ACTG2: variants seen among roughly 807,000 people sequenced by gnomAD.
The protein encoded by ACTG2 is actin gamma 2, smooth muscle, also known as actin, gamma-enteric smooth muscle.
ACTG2 carries 16 observed loss-of-function variants against 37.6 expected under a neutral mutation model. The ratio of observed to expected loss-of-function variants is 0.43; its 90% CI spans 0.29 to 0.65. The LOEUF (loss-of-function observed/expected upper bound fraction) is 0.65, where lower values mean the gene tolerates loss of function less well. ACTG2 is among the 30% of genes least tolerant of loss of function. ACTG2 has a pLI of 0.18. For synonymous variants in ACTG2, 181 were observed against 179.9 expected, an observed-to-expected ratio of 1.01 and a Z score of -0.05; for missense variants, 238 against 490.9, an observed-to-expected ratio of 0.48 and a Z score of 4.87.
chr2:73,897,261 G>A (rs1266899702), intron 1 of ACTG2: 1 of 152,320 alleles, frequency 6.6e-6, no homozygotes, highest in Admixed American at 6.5e-5. Flanking sequence ...ACACCGGAGA[G>A]AGTTTGGGGA....
At chr2:73,909,031 T>C in intron 4 of ACTG2, 24 bp from the exon 5 acceptor site, 1 of 1,610,428 alleles carries the variant, frequency 6.2e-7, no homozygotes, top group South Asian at 1.1e-5. Context: ...CCAAATAATC[T>C]TTTATTCTTC....
At chr2:73,902,749 C>G (rs1393775258) in intron 3 of ACTG2, 1 of 1,550,764 alleles carries the variant, frequency 6.4e-7, no homozygotes, top group Non-Finnish European at 8.7e-7. Flanking sequence ...TGCTGCAAAA[C>G]TGATCTTTCT....
At chr2:73,915,000 T>C in intron 7 of ACTG2, 129 bp downstream of exon 7, 1 of 743,328 alleles carries the variant, frequency 1.3e-6, no homozygotes, top group Non-Finnish European at 1.9e-6. Flanking sequence ...CACATTTTCC[T>C]AGGAAGGGCC....
At chr2:73,905,842 T>C (rs1015401300) in intron 3 of ACTG2, among the ~76,000 whole-genome samples, 5 of 152,102 alleles carry the variant, frequency 3.3e-5, no homozygotes, top group African/African-American at 1.2e-4. Context: ...CATAGGATTA[T>C]TTATAACCAA....
chr2:73,902,348 T>A lies in ACTG2; in HGVS notation c.127-12T>A. ...AGCCATTCATTTCTCTTTTCTTCTTTTTGCATTGCAGGGTGTGATGGTGGG... is the reference window on the plus strand; with the variant it reads ...AGCCATTCATTTCTCTTTTCTTCTTATTGCATTGCAGGGTGTGATGGTGGG... On this transcript the variant is annotated splice_polypyrimidine_tract_variant and intron_variant, in intron 2 of 8. Transcript: ENST00000345517. 1 of 1,613,414 alleles carries A rather than the reference T, an allele frequency of 6.2e-7. No individual in the cohort carries two copies. Among genetic ancestry groups the A allele is most frequent in the Non-Finnish European group, 8.5e-7 (1 of 1,179,734 alleles).
intron 3 of ACTG2, among the ~76,000 whole-genome samples, chr2:73,904,242 A>G (rs1282232988): frequency 1.3e-5 from 1 of 76,126 alleles, no homozygotes; most frequent in South Asian, 5.7e-4. Context: ...GAGTGAGACC[A>G]TGTCTCAAAA....
intron 1 of ACTG2, among the ~76,000 whole-genome samples, chr2:73,898,802 C>CTTTTT (rs1165118275): frequency 2.6e-4 from 24 of 92,962 alleles, no homozygotes; most frequent in Non-Finnish European, 3.9e-4. Flanking sequence ...TTTTTTTTTT[C>CTTTTT]TTTTTTTTTT....
At chr2:73,904,775 GTGTA>G (rs1273009340) in intron 3 of ACTG2, among the ~76,000 whole-genome samples, 142 of 19,082 alleles carry the variant, frequency 7.4e-3, no homozygotes, top group Middle Eastern at 0.026. Context: ...GTGTGTGTGT[GTGTA>G]TATATATATA....
At chr2:73,915,018 T>C in intron 7 of ACTG2, 147 bp downstream of exon 7, 1 of 555,050 alleles carries the variant, frequency 1.8e-6, no homozygotes. Flanking sequence ...GCCAAAAATG[T>C]ATTTTAAAAA....
intron 7 of ACTG2, among the ~76,000 whole-genome samples, chr2:73,915,672 T>G (rs1680251926): frequency 6.6e-6 from 1 of 152,154 alleles, no homozygotes; most frequent in Non-Finnish European, 1.5e-5. Flanking sequence ...TCAGATGACA[T>G]GACGAGTATA....
At chr2:73,902,264 C>T (rs1679908191) in intron 2 of ACTG2, 96 bp from the exon 3 acceptor site, 2 of 1,445,534 alleles carry the variant, frequency 1.4e-6, no homozygotes, top group South Asian at 2.7e-5. Context: ...GCTGTTTTTC[C>T]CATCCTTATC....
At position 73,904,669 on chromosome 2, in the gene ACTG2, A is replaced by T. The variant is rs571382464; in HGVS notation, c.255+2181A>T. Among the ~76,000 whole-genome samples, 522 of 149,866 alleles carry T rather than the reference A, an allele frequency of 3.5e-3. 3 individuals are homozygous for T. The highest frequency in any genetic ancestry group is 0.012 in the African/African-American group (474 of 40,916). On this transcript the variant is annotated intron_variant, in intron 3 of 8. Coordinates refer to ENST00000345517, the MANE Select transcript of ACTG2 (RefSeq NM_001615.4). Reference sequence around the variant, plus strand: ...TGAGACCCTATATATATTTTTTTTTAAAAATGTATATATGTATAAATATAA... The same window carrying T: ...TGAGACCCTATATATATTTTTTTTTTAAAATGTATATATGTATAAATATAA...
In ACTG2 at chr2:73,913,577, G is replaced by C; in HGVS notation, c.544G>C (p.Ala182Pro). ...LPHAIMRLDL[A>P]GRDLTDYLMK... ...CCATGCCATCATGCGCCTGGACTTG[G>C]CTGGCCGTGACCTCACGGACTACCT... Residue 182 changes from alanine to proline, a missense_variant, in exon 6 of 9, where the codon GCT (alanine) becomes CCT (proline). Coordinates refer to ENST00000345517, the MANE Select transcript of ACTG2 (RefSeq NM_001615.4). The C allele has an allele frequency of 6.2e-7, 1 of 1,613,964 alleles. No homozygotes were observed. Among genetic ancestry groups the C allele is most frequent in the Non-Finnish European group, 8.5e-7 (1 of 1,179,924 alleles).
chr2:73,895,732 G>C (rs1679733013), intron 1 of ACTG2, among the ~76,000 whole-genome samples: 1 of 152,202 alleles, frequency 6.6e-6, no homozygotes, highest in Admixed American at 6.5e-5. Context: ...CAATATGACA[G>C]GCTTCATCCT....
intron 7 of ACTG2, among the ~76,000 whole-genome samples, chr2:73,915,355 A>G (rs1680240598): frequency 6.6e-6 from 1 of 151,104 alleles, no homozygotes; most frequent in South Asian, 2.1e-4. Context: ...CCCCATCTCT[A>G]TGAAAAATAC....
chr2:73,902,907 T>G (rs1679923403), intron 3 of ACTG2: 2 of 854,548 alleles, frequency 2.3e-6, no homozygotes, highest in South Asian at 1.8e-5. Flanking sequence ...CAATATTTAC[T>G]CAGGCCAGTG....
intron 1 of ACTG2, among the ~76,000 whole-genome samples, chr2:73,898,881 C>T (rs1371796923): frequency 6.7e-6 from 1 of 148,528 alleles, no homozygotes; most frequent in African/African-American, 2.5e-5. Context: ...TGGCTCACTG[C>T]AAGCTCCGCC....
At chr2:73,904,531 A>C (rs1443189009) in intron 3 of ACTG2, among the ~76,000 whole-genome samples, 1 of 150,926 alleles carries the variant, frequency 6.6e-6, no homozygotes. Flanking sequence ...GGTGGTTAGC[A>C]CCTGTCGTCC....
intron 1 of ACTG2, among the ~76,000 whole-genome samples, chr2:73,896,282 C>G (rs1301548360): frequency 6.6e-6 from 1 of 150,592 alleles, no homozygotes; most frequent in Non-Finnish European, 1.5e-5. Flanking sequence ...GGAGTTCAAG[C>G]CTGCAGTGAG....
Sources: allele counts gnomAD v4.1 joint callset (sites outside exome capture counted in the v4.1 genomes callset), GRCh38; gene constraint gnomAD v4.1.1; transcripts MANE v1.5; gene names NCBI Gene and HGNC (gene_info 2026-07-23, HGNC 2026-07-21).